The following GARRE1 variants were observed in gnomAD, a reference collection of about 807,000 sequenced individuals.
GARRE1 encodes the protein granule associated Rac and RHOG effector 1.
In GARRE1, 49 loss-of-function variants were observed where a neutral mutation model predicts 103.2. The ratio of observed to expected loss-of-function variants is 0.47; its 90% CI spans 0.38 to 0.60. GARRE1 has a LOEUF of 0.60. Ranked by LOEUF, GARRE1 falls within the 20% of genes least tolerant of loss-of-function variation. GARRE1 has a pLI of 0.00. For missense variants in GARRE1, 1,199 were observed against 1,370.5 expected (o/e 0.87, Z 1.98); for synonymous variants, 505 against 532.8 (o/e 0.95, Z 0.72).
At chr19:34,313,824 G>A (rs527912364) in intron 2 of GARRE1, among the ~76,000 whole-genome samples, 1 of 152,038 alleles carries the variant, frequency 6.6e-6, no homozygotes, top group South Asian at 2.1e-4. Flanking sequence ...TTTTTGAAAC[G>A]GAGTCTCGCT....
In GARRE1 at chr19:34,276,710, C is replaced by G. The variant is rs569213504; in HGVS notation, c.-796+22096C>G. Among the ~76,000 whole-genome samples the G allele has an allele frequency of 1.4e-4, 21 of 152,336 alleles. No homozygotes were observed. The East Asian group carries it at 4.1e-3, about 29-fold the overall frequency. ...TACCGCAGCCACTGCCAGGTTTCCA[C>G]AAGCCAGTCACCTTTCAGGTGGAGA... On this transcript the variant is annotated intron_variant, in intron 1 of 13. Coordinates refer to ENST00000299505, the MANE Select transcript of GARRE1 (RefSeq NM_014686.5).
In GARRE1 at chr19:34,300,851, A is replaced by G; in HGVS notation, c.378A>G (p.Glu126=). Residue 126 remains glutamate (E), a synonymous_variant, in exon 2 of 14, where the codon GAA becomes GAG. Transcript: ENST00000299505. ...QLKDVQEHVM[E]AASRLTSAIK... ...AAGATGTGCAGGAGCATGTCATGGA[A>G]GCAGCCAGTCGGCTGACCTCGGCCA... 6.2e-7 allele frequency: 1 copy of G among 1,614,040 alleles called. No homozygotes were observed. The highest frequency in any genetic ancestry group is 8.5e-7 in the Non-Finnish European group (1 of 1,180,050).
rs1409715090 is a variant in GARRE1, at chr19:34,353,665, G to A, written c.*710G>A. The A allele has an allele frequency of 1.3e-5, 2 of 152,300 alleles. No individual in the cohort carries two copies. The highest frequency in any genetic ancestry group is 1.3e-4 in the Admixed American group (2 of 15,276). The allele number at this position is 152,300 out of a possible 1,614,324, so 9.4% of individuals were successfully genotyped here. A position where few individuals can be genotyped will look rare whatever the true frequency, so the allele number is the denominator to read the frequency against. ...GGCCTTTCCCAGCTTTATTGAAGCA[G>A]AATGGTGGAACTTGTGCCGGAGGTA... On this transcript the variant is annotated 3_prime_UTR_variant, in exon 14 of 14. Transcript: ENST00000299505.
chr19:34,280,391 C>CAAAT lies in GARRE1; in HGVS notation c.-795-19286_-795-19285insATAA, dbSNP rs143888647. Among the ~76,000 whole-genome samples, 1,503 of 152,298 alleles carry CAAAT rather than the reference C, an allele frequency of 9.9e-3. 20 individuals carry two copies. The highest frequency in any genetic ancestry group is 0.015 in the Non-Finnish European group (1,045 of 68,024). ...ATATTTCTTGGGGCAAAAGTCTATT[C>CAAAT]AAGTCCTTTGCCCATTTAAAAATTG... On this transcript the variant is annotated intron_variant, in intron 1 of 13. Transcript: ENST00000299505.
intron 6 of GARRE1, 67 bp from the exon 7 acceptor site, chr19:34,330,122 T>C: frequency 7.1e-7 from 1 of 1,408,762 alleles, no homozygotes; most frequent in Non-Finnish European, 9.8e-7. Context: ...TAAATGCATT[T>C]TTACAAATTT....
chr19:34,340,001 C>A lies in GARRE1; in HGVS notation c.1487+9C>A, dbSNP rs371451448. The A allele has an allele frequency of 2.3e-5, 37 of 1,613,994 alleles. No individual in the cohort carries two copies. The highest frequency in any genetic ancestry group is 3.1e-5 in the Non-Finnish European group (36 of 1,180,014). On this transcript the variant is annotated intron_variant, in intron 9 of 13. Transcript: ENST00000299505. ...CGCTGGAGGGCTGGAAGGTTGGTGT[C>A]TGTGGTTTGCATTAGATGCATACCG...
chr19:34,314,047 C>G (rs879788906), intron 2 of GARRE1, among the ~76,000 whole-genome samples: 1 of 152,054 alleles, frequency 6.6e-6, no homozygotes, highest in Non-Finnish European at 1.5e-5. Flanking sequence ...GTGATCCACC[C>G]GCCTCAACCT....
At chr19:34,298,620 G>T (rs910343194) in intron 1 of GARRE1, among the ~76,000 whole-genome samples, 3 of 151,960 alleles carry the variant, frequency 2.0e-5, no homozygotes, top group Admixed American at 2.0e-4. Flanking sequence ...TGAGGCAGGA[G>T]AATCACTGGA....
chr19:34,255,089 C>T (rs1409235410), intron 1 of GARRE1, among the ~76,000 whole-genome samples: 4 of 151,948 alleles, frequency 2.6e-5, no homozygotes, highest in Admixed American at 2.6e-4. Flanking sequence ...CCCGGGGCTG[C>T]CGGGCGGGCT....
At chr19:34,269,717 A>C (rs2073774970) in intron 1 of GARRE1, among the ~76,000 whole-genome samples, 1 of 152,192 alleles carries the variant, frequency 6.6e-6, no homozygotes, top group Non-Finnish European at 1.5e-5. Flanking sequence ...GTGAGCCACC[A>C]GACCTGACCT....
intron 9 of GARRE1, among the ~76,000 whole-genome samples, chr19:34,340,422 C>G (rs1036579511): frequency 1.5e-5 from 2 of 136,290 alleles, no homozygotes; most frequent in Admixed American, 1.6e-4. Context: ...AAACATCTAG[C>G]CATGGCCCCT....
In GARRE1 at chr19:34,348,048, T is replaced by C. The variant is rs756832343; in HGVS notation, c.2687+6T>C. 7.0e-7 allele frequency: 1 copy of C among 1,424,672 alleles called. No homozygotes were observed. 88.3% of individuals were successfully genotyped at this position (1,424,672 alleles called of 1,614,324 possible). A position where few individuals can be genotyped will look rare whatever the true frequency, so the allele number is the denominator to read the frequency against. On this transcript the variant is annotated splice_donor_region_variant and intron_variant, in intron 11 of 13. Coordinates refer to ENST00000299505, the MANE Select transcript of GARRE1 (RefSeq NM_014686.5). ...CCCGAGTTCTTCACAGAAGGGTGAGTGCTGGGTACTTCAGGGAATCTGAGC... is the reference window on the plus strand; with the variant it reads ...CCCGAGTTCTTCACAGAAGGGTGAGCGCTGGGTACTTCAGGGAATCTGAGC...
At chr19:34,285,460 T>C (rs1309316839) in intron 1 of GARRE1, among the ~76,000 whole-genome samples, 1 of 151,982 alleles carries the variant, frequency 6.6e-6, no homozygotes, top group African/African-American at 2.4e-5. Flanking sequence ...CTGTCTCTAC[T>C]AAGAATACAA....
At chr19:34,334,029 A>T (rs2074149722) in intron 8 of GARRE1, among the ~76,000 whole-genome samples, 1 of 152,118 alleles carries the variant, frequency 6.6e-6, no homozygotes, top group Admixed American at 6.5e-5. Flanking sequence ...CCATAATGTA[A>T]CTAAAATGTT....
At chr19:34,317,332 T>C (rs1377672501) in intron 2 of GARRE1, among the ~76,000 whole-genome samples, 1 of 152,246 alleles carries the variant, frequency 6.6e-6, no homozygotes. Context: ...CATCCCCATC[T>C]TATATATTTA....
intron 1 of GARRE1, among the ~76,000 whole-genome samples, chr19:34,264,415 G>A (rs555890008): frequency 6.6e-6 from 1 of 151,606 alleles, no homozygotes; most frequent in Non-Finnish European, 1.5e-5. Context: ...TTTTTGGAGG[G>A]GGGGACGGAG....
intron 2 of GARRE1, among the ~76,000 whole-genome samples, chr19:34,309,054 A>ACTTCTAC (rs1333795147): frequency 2.0e-5 from 3 of 150,312 alleles, no homozygotes; most frequent in Non-Finnish European, 3.0e-5. Context: ...TCTAATATTA[A>ACTTCTAC]TAATATTCTA....
At chr19:34,283,501 G>A (rs1484709310) in intron 1 of GARRE1, among the ~76,000 whole-genome samples, 1 of 152,140 alleles carries the variant, frequency 6.6e-6, no homozygotes. Context: ...CTTAATATGT[G>A]CCAGACATCA....
intron 7 of GARRE1, among the ~76,000 whole-genome samples, chr19:34,330,727 CTT>C (rs1213759081): frequency 0.077 from 7,778 of 101,046 alleles, 374 homozygotes; most frequent in African/African-American, 0.17. Flanking sequence ...GACCCTGCCT[CTT>C]TTTTTTTTTT....
Sources: gnomAD v4.1 joint callset for allele counts (sites outside exome capture counted in the v4.1 genomes callset) on GRCh38, gnomAD v4.1.1 for gene constraint, MANE v1.5 for transcripts, NCBI Gene and HGNC (gene_info 2026-07-23, HGNC 2026-07-21) for gene names.